NAF1: variants seen among roughly 807,000 people sequenced by gnomAD.
NAF1 encodes the protein nuclear assembly factor 1 ribonucleoprotein.
In NAF1, 11 loss-of-function variants were observed where a neutral mutation model predicts 40.6. The ratio of observed to expected loss-of-function variants is 0.27; its 90% confidence interval spans 0.17 to 0.45. The LOEUF (loss-of-function observed/expected upper bound fraction) is 0.45. Ranked by LOEUF, NAF1 falls within the 20% of genes least tolerant of loss-of-function variation. The probability of loss-of-function intolerance (pLI) is 1.00; values close to 1 mark genes in which losing one functional copy is unlikely to be tolerated. For synonymous variants in NAF1, 260 were observed against 228.5 expected, an observed-to-expected ratio of 1.14 and a Z score of -1.24; for missense variants, 607 against 611.1, an observed-to-expected ratio of 0.99 and a Z score of 0.07.
the NAF1 span, among the ~76,000 whole-genome samples, chr4:163,104,425 G>GA: frequency 5.3e-5 from 8 of 152,240 alleles, no homozygotes; most frequent in Non-Finnish European, 1.0e-4. Context: ...CATACTCACT[G>GA]AAAAAAGATA....
intron 7 of NAF1, among the ~76,000 whole-genome samples, chr4:163,131,163 C>A (rs983062800): frequency 2.0e-5 from 3 of 152,142 alleles, no homozygotes; most frequent in East Asian, 1.9e-4. Context: ...TGGGCCACTG[C>A]GCTCGGCCAA....
At chr4:163,113,162 T>C (rs1486126440) in intron 2 of NAF1, among the ~76,000 whole-genome samples, 3 of 152,206 alleles carry the variant, frequency 2.0e-5, no homozygotes, top group Non-Finnish European at 4.4e-5. Context: ...TTTAATCCTT[T>C]TGGTTTTGAG....
intron 4 of NAF1, chr4:163,141,968 T>C: frequency 1.0e-6 from 1 of 961,634 alleles, no homozygotes; most frequent in Non-Finnish European, 1.2e-6. Context: ...ATGTGTACTC[T>C]AAAAAGAAGT....
chr4:163,161,836 G>A (rs1732237566), intron 2 of NAF1, among the ~76,000 whole-genome samples: 1 of 152,042 alleles, frequency 6.6e-6, no homozygotes, highest in Admixed American at 6.6e-5. Flanking sequence ...CATTCCATGT[G>A]GTTTATATAG....
intron 2 of NAF1, among the ~76,000 whole-genome samples, chr4:163,149,794 TAA>T (rs1195994692): frequency 7.9e-5 from 12 of 152,262 alleles, no homozygotes; most frequent in Admixed American, 2.6e-4. Context: ...ACTGTGACAT[TAA>T]ATAGCCTTTT....
In NAF1 at chr4:163,129,365, G is replaced by A; in HGVS notation, c.1034-17C>T. 1 of 1,573,200 alleles carries A rather than the reference G, an allele frequency of 6.4e-7. No individual in the cohort carries two copies. The highest frequency in any genetic ancestry group is 8.7e-7 in the Non-Finnish European group (1 of 1,152,316). On this transcript the variant is annotated splice_polypyrimidine_tract_variant and intron_variant, in intron 7 of 7. Coordinates refer to ENST00000274054, the MANE Select transcript of NAF1 (RefSeq NM_138386.3). ...AATCTTCACCTTTGAGTGAGGGGAGGGAAAACATAAAAAGGAAAATAAGTT... is the reference window on the plus strand; with the variant it reads ...AATCTTCACCTTTGAGTGAGGGGAGAGAAAACATAAAAAGGAAAATAAGTT...
intron 2 of NAF1, among the ~76,000 whole-genome samples, chr4:163,155,585 A>T (rs1731954729): frequency 6.6e-6 from 1 of 152,224 alleles, no homozygotes; most frequent in African/African-American, 2.4e-5. Context: ...AGGAAGCTTA[A>T]CTGCCTAGGA....
chr4:163,105,042 A>G, the NAF1 span, among the ~76,000 whole-genome samples: 3 of 152,356 alleles, frequency 2.0e-5, no homozygotes, highest in African/African-American at 7.2e-5. Context: ...CTTGCAGTAT[A>G]TAAGAAGGGA....
At chr4:163,149,035 T>C (rs1056761760) in intron 2 of NAF1, among the ~76,000 whole-genome samples, 7 of 152,176 alleles carry the variant, frequency 4.6e-5, no homozygotes, top group African/African-American at 1.7e-4. Context: ...GCCTGATACC[T>C]TCTCTCTCTA....
At chr4:163,152,410 G>GA (rs1297386061) in intron 2 of NAF1, among the ~76,000 whole-genome samples, 2 of 152,140 alleles carry the variant, frequency 1.3e-5, no homozygotes, top group Non-Finnish European at 2.9e-5. Context: ...CAAGATAAGG[G>GA]AAAATATATA....
At chr4:163,106,514 C>T (rs560781378), downstream of NAF1, among the ~76,000 whole-genome samples, 1 of 152,036 alleles carries the variant, frequency 6.6e-6, no homozygotes, top group African/African-American at 2.4e-5. Flanking sequence ...ACTAGTCTAG[C>T]GTTTCCATTT....
intron 4 of NAF1, among the ~76,000 whole-genome samples, chr4:163,142,168 C>T (rs1370227733): frequency 2.0e-5 from 3 of 152,210 alleles, no homozygotes; most frequent in Non-Finnish European, 2.9e-5. Flanking sequence ...AAGAGGTGCA[C>T]TCAGCACCAC....
intron 2 of NAF1, among the ~76,000 whole-genome samples, chr4:163,112,977 G>C (rs1304586951): frequency 6.6e-6 from 1 of 152,122 alleles, no homozygotes; most frequent in East Asian, 1.9e-4. Flanking sequence ...TGAGTGTTGG[G>C]TTTTCTCCGA....
At chr4:163,161,018 C>CAA (rs796248441) in intron 2 of NAF1, among the ~76,000 whole-genome samples, 126 of 59,510 alleles carry the variant, frequency 2.1e-3, no homozygotes, top group African/African-American at 6.3e-3. Flanking sequence ...TGTCATTTTC[C>CAA]AAAAAAAAAA....
chr4:163,142,015 T>G (rs964745230), intron 4 of NAF1: 1 of 652,314 alleles, frequency 1.5e-6, no homozygotes, highest in Non-Finnish European at 1.9e-6. Context: ...CAATGTATTA[T>G]GAAATAACAC....
intron 2 of NAF1, among the ~76,000 whole-genome samples, chr4:163,157,982 A>G (rs1011937124): frequency 6.6e-6 from 1 of 152,174 alleles, no homozygotes; most frequent in Admixed American, 6.5e-5. Context: ...AAAGAGTATC[A>G]GTAAATTGAT....
chr4:163,115,447 C>T lies in NAF1; in HGVS notation c.115-5157G>A, dbSNP rs550429590. Among the ~76,000 whole-genome samples the T allele has an allele frequency of 4.6e-5, 7 of 152,120 alleles. No individual in the cohort carries two copies. In the South Asian group the frequency reaches 1.0e-3, roughly 23 times the overall value. On this transcript the variant is annotated intron_variant, in intron 2 of 2. Transcript: ENST00000509434. ...TCCTGACCTCGTGATCCACCCGCCT[C>T]GGCCTCCCAAAGTGCTGGGATTACA...
intron 7 of NAF1, among the ~76,000 whole-genome samples, chr4:163,132,949 GTCTC>G (rs1389919655): frequency 6.6e-6 from 1 of 152,240 alleles, no homozygotes; most frequent in South Asian, 2.1e-4. Flanking sequence ...ACAAGGTTTA[GTCTC>G]TCTGTTACCC....
At chr4:163,164,049 T>A (rs1732340823) in intron 2 of NAF1, among the ~76,000 whole-genome samples, 168 bp downstream of exon 2, 1 of 152,152 alleles carries the variant, frequency 6.6e-6, no homozygotes, top group Non-Finnish European at 1.5e-5. Flanking sequence ...ATTATCCAGA[T>A]CACTACTCTC....
Sources: allele counts gnomAD v4.1 joint callset (sites outside exome capture counted in the v4.1 genomes callset), GRCh38; gene constraint gnomAD v4.1.1; transcripts MANE v1.5; gene names NCBI Gene and HGNC (gene_info 2026-07-23, HGNC 2026-07-21).